Variants in TMEM74 observed in about 807,000 individuals in gnomAD.
The protein encoded by TMEM74 is transmembrane protein 74.
A neutral mutation model predicts 18.1 loss-of-function variants in TMEM74; 13 were observed. The ratio of observed to expected loss-of-function variants is 0.72; its 90% CI spans 0.47 to 1.14. The LOEUF (loss-of-function observed/expected upper bound fraction) is 1.14, where lower values mean the gene tolerates loss of function less well. Ranked by LOEUF, TMEM74 falls within the 50% of genes most tolerant of loss-of-function variation. The pLI, the probability that TMEM74 is intolerant of heterozygous loss-of-function variation, is 0.00. For synonymous variants in TMEM74, 159 were observed against 146.6 expected, an observed-to-expected ratio of 1.08 and a Z score of -0.61; for missense variants, 372 against 375.9, an observed-to-expected ratio of 0.99 and a Z score of 0.09.
chr8:108,627,065 A>C (rs1447270101), intron 2 of TMEM74, among the ~76,000 whole-genome samples: 1 of 152,042 alleles, frequency 6.6e-6, no homozygotes, highest in Non-Finnish European at 1.5e-5. Flanking sequence ...AGTGTGTAAA[A>C]ATAATTCAAA....
intron 1 of TMEM74, among the ~76,000 whole-genome samples, chr8:108,683,499 T>C (rs1281564448): frequency 2.0e-5 from 3 of 151,924 alleles, no homozygotes; most frequent in African/African-American, 7.2e-5. Context: ...TATAATTTAC[T>C]AAATTAACAA....
At chr8:108,741,732 T>C (rs1554576480) in intron 1 of TMEM74, among the ~76,000 whole-genome samples, 2 of 152,170 alleles carry the variant, frequency 1.3e-5, no homozygotes, top group Non-Finnish European at 2.9e-5. Context: ...TGGAAACTAC[T>C]TGGGAAACAA....
chr8:108,777,255 G>T (rs1814244084), downstream of TMEM74, among the ~76,000 whole-genome samples: 1 of 152,118 alleles, frequency 6.6e-6, no homozygotes, highest in East Asian at 1.9e-4. Flanking sequence ...GCAAGATACT[G>T]CACATGAACG....
chr8:108,723,810 A>G (rs1029938989), intron 1 of TMEM74, among the ~76,000 whole-genome samples: 1 of 152,232 alleles, frequency 6.6e-6, no homozygotes, highest in African/African-American at 2.4e-5. Context: ...TACTCCTCAC[A>G]TGGCAAGAAA....
intron 1 of TMEM74, among the ~76,000 whole-genome samples, chr8:108,675,898 A>C (rs570129274): frequency 2.5e-4 from 38 of 152,230 alleles, no homozygotes; most frequent in Non-Finnish European, 4.1e-4. Context: ...ATAGTTTAGT[A>C]TAGAAAATTA....
chr8:108,756,762 AGGGAG>A (rs1199426375), intron 1 of TMEM74, among the ~76,000 whole-genome samples: 3 of 85,370 alleles, frequency 3.5e-5, no homozygotes, highest in Admixed American at 3.4e-4. Flanking sequence ...GGAGGGAGGG[AGGGAG>A]GGGAGGGGAG....
chr8:108,607,362 T>A (rs951161396), exon 4 of TMEM74: 2 of 152,186 alleles, frequency 1.3e-5, no homozygotes, highest in African/African-American at 4.8e-5. Flanking sequence ...GCACAATATA[T>A]ACATCGAGGA....
intron 1 of TMEM74, among the ~76,000 whole-genome samples, chr8:108,667,600 T>A (rs935034560): frequency 7.9e-5 from 12 of 152,174 alleles, no homozygotes; most frequent in African/African-American, 2.9e-4. Context: ...TTTTCCATGA[T>A]AATATAGTTA....
intron 1 of TMEM74, among the ~76,000 whole-genome samples, chr8:108,732,138 AG>A (rs985362953): frequency 6.6e-6 from 1 of 152,228 alleles, no homozygotes; most frequent in African/African-American, 2.4e-5. Context: ...GGAAATTAAA[AG>A]TTTAAAAATA....
intron 1 of TMEM74, among the ~76,000 whole-genome samples, chr8:108,728,548 A>G (rs1813663428): frequency 6.6e-6 from 1 of 152,160 alleles, no homozygotes; most frequent in African/African-American, 2.4e-5. Context: ...TACCCTGTGG[A>G]ACCAGTATGC....
At chr8:108,732,610 C>A (rs1479750290) in intron 1 of TMEM74, among the ~76,000 whole-genome samples, 1 of 151,868 alleles carries the variant, frequency 6.6e-6, no homozygotes, top group Non-Finnish European at 1.5e-5. Context: ...TCAACAGAGT[C>A]ATCAAAGCAA....
At chr8:108,667,836 G>T (rs1812964576) in intron 1 of TMEM74, among the ~76,000 whole-genome samples, 1 of 151,970 alleles carries the variant, frequency 6.6e-6, no homozygotes, top group Admixed American at 6.6e-5. Context: ...TCAGCATTCT[G>T]CTCTCTGTTC....
chr8:108,707,043 G>A (rs1813422750), intron 1 of TMEM74, among the ~76,000 whole-genome samples: 1 of 151,832 alleles, frequency 6.6e-6, no homozygotes, highest in South Asian at 2.1e-4. Context: ...CAGGGACACG[G>A]ATGAAGCTGG....
At chr8:108,693,337 A>G (rs1204685594) in intron 1 of TMEM74, among the ~76,000 whole-genome samples, 1 of 152,232 alleles carries the variant, frequency 6.6e-6, no homozygotes, top group Non-Finnish European at 1.5e-5. Flanking sequence ...TTACTTTAAA[A>G]AGTTAAACCA....
At chr8:108,755,496 C>T (rs72675045) in intron 1 of TMEM74, among the ~76,000 whole-genome samples, 1 of 152,218 alleles carries the variant, frequency 6.6e-6, no homozygotes, top group Non-Finnish European at 1.5e-5. Context: ...TATGTAATGC[C>T]TTTCAAAATT....
At chr8:108,687,223 T>A (rs1813179025) in intron 1 of TMEM74, among the ~76,000 whole-genome samples, 1 of 151,980 alleles carries the variant, frequency 6.6e-6, no homozygotes. Flanking sequence ...CAATGTGGAA[T>A]GGAGGGAACC....
At chr8:108,761,456 C>T (rs886627948) in intron 1 of TMEM74, among the ~76,000 whole-genome samples, 2 of 152,038 alleles carry the variant, frequency 1.3e-5, no homozygotes, top group Non-Finnish European at 2.9e-5. Flanking sequence ...TTACAAATGA[C>T]AGCCATAGGT....
chr8:108,768,307 T>A (rs942315640), intron 1 of TMEM74, among the ~76,000 whole-genome samples: 1 of 152,126 alleles, frequency 6.6e-6, no homozygotes, highest in Non-Finnish European at 1.5e-5. Context: ...AATGACTAAT[T>A]TATTGCCTCC....
At chr8:108,631,476 G>T (rs1812551799) in intron 2 of TMEM74, among the ~76,000 whole-genome samples, 1 of 152,024 alleles carries the variant, frequency 6.6e-6, no homozygotes, top group Admixed American at 6.6e-5. Context: ...GGTGTCAAAA[G>T]CACACTCAAA....
Sources: allele counts gnomAD v4.1 joint callset (sites outside exome capture counted in the v4.1 genomes callset), GRCh38; gene constraint gnomAD v4.1.1; transcripts MANE v1.5; gene names NCBI Gene and HGNC (gene_info 2026-07-23, HGNC 2026-07-21).